The following PALM2AKAP2 variants were observed in gnomAD, a reference collection of about 807,000 sequenced individuals.
PALM2AKAP2 encodes the protein PALM2 and AKAP2 fusion.
PALM2AKAP2 carries 37 observed loss-of-function variants against 71.5 expected under a neutral mutation model. That is an observed-to-expected ratio of 0.52 (90% confidence interval 0.40 to 0.68). The LOEUF (loss-of-function observed/expected upper bound fraction) is 0.68. Among genes scored for constraint, PALM2AKAP2 ranks in the 30% least tolerant of loss-of-function variants. The pLI is 0.00. For synonymous variants in PALM2AKAP2, 468 were observed against 478.8 expected, an observed-to-expected ratio of 0.98 and a Z score of 0.29; for missense variants, 1,224 against 1,191.8, an observed-to-expected ratio of 1.03 and a Z score of -0.40.
intron 1 of PALM2AKAP2, among the ~76,000 whole-genome samples, chr9:110,128,701 G>A (rs941510611): frequency 4.6e-5 from 7 of 152,332 alleles, no homozygotes; most frequent in Non-Finnish European, 7.3e-5. Flanking sequence ...GCACACTGTC[G>A]AGCTTTAACA....
chr9:110,053,045 G>C (rs1213712850), intron 1 of PALM2AKAP2, among the ~76,000 whole-genome samples: 2 of 152,168 alleles, frequency 1.3e-5, no homozygotes, highest in Non-Finnish European at 2.9e-5. Flanking sequence ...TTGGTGGTGG[G>C]TTCCTTTTTC....
chr9:109,880,976 C>T (rs1015603963), intron 3 of PALM2AKAP2, among the ~76,000 whole-genome samples: 2 of 152,126 alleles, frequency 1.3e-5, no homozygotes, highest in South Asian at 2.1e-4. Context: ...CAGATTATTT[C>T]ACCACCCAGG....
chr9:110,089,124 A>G (rs1442880097), intron 1 of PALM2AKAP2, among the ~76,000 whole-genome samples: 1 of 152,220 alleles, frequency 6.6e-6, no homozygotes, highest in Non-Finnish European at 1.5e-5. Context: ...TAGGAGCACC[A>G]TAATGGGCAG....
chr9:109,832,351 A>G (rs1455980887), intron 1 of PALM2AKAP2, among the ~76,000 whole-genome samples: 1 of 152,242 alleles, frequency 6.6e-6, no homozygotes, highest in African/African-American at 2.4e-5. Flanking sequence ...AATGGCAATG[A>G]CAATAACTGT....
Position 109,895,543 on chromosome 9 carries a change from C to T in PALM2AKAP2, c.257+14862C>T, listed in dbSNP as rs189828950. 1.3e-3 allele frequency among the ~76,000 whole-genome samples: 200 copies of T among 152,254 alleles called. 2 individuals carry two copies. Among genetic ancestry groups the T allele is most frequent in the African/African-American group, 4.5e-3 (188 of 41,548 alleles). The stretch of plus-strand genomic sequence containing the variant: ...CAGAAGTCAAACTTGGTTTTTCATT[C>T]GGTAAGATCCACTGTGGTTAAAATG... On this transcript the variant is annotated intron_variant, in intron 3 of 9. Coordinates refer to the PALM2AKAP2 transcript ENST00000302798.
At chr9:109,990,098 G>T (rs1188327068) in intron 6 of PALM2AKAP2, among the ~76,000 whole-genome samples, 6 of 143,222 alleles carry the variant, frequency 4.2e-5, no homozygotes, top group Admixed American at 7.3e-5. Flanking sequence ...TTGTGGCAGG[G>T]TCTCACTCTG....
At chr9:109,660,683 A>G (rs1420188691) in intron 1 of PALM2AKAP2, among the ~76,000 whole-genome samples, 1 of 151,632 alleles carries the variant, frequency 6.6e-6, no homozygotes, top group Non-Finnish European at 1.5e-5. Context: ...TTATAGTAGC[A>G]TGATTTATGA....
chr9:109,880,700 A>C lies in PALM2AKAP2; in HGVS notation c.257+19A>C, dbSNP rs1228027176. The C allele has an allele frequency of 6.2e-7, 1 of 1,612,742 alleles. No homozygotes were observed. Among genetic ancestry groups the C allele is most frequent in the African/African-American group, 1.3e-5 (1 of 74,924 alleles). On this transcript the variant is annotated intron_variant, in intron 3 of 9. Coordinates refer to the PALM2AKAP2 transcript ENST00000302798. ...TTCAGAGGTAGGTGGCTTCCAGCCC[A>C]GGGAACCCATGCTACAGTTTTTCAG...
chr9:110,053,929 G>A (rs1282147941), intron 1 of PALM2AKAP2, among the ~76,000 whole-genome samples: 1 of 152,226 alleles, frequency 6.6e-6, no homozygotes, highest in Non-Finnish European at 1.5e-5. Flanking sequence ...GGGCTTTGTG[G>A]TTGTTTTTGA....
At chr9:110,049,624 G>A (rs1833669937) in intron 1 of PALM2AKAP2, among the ~76,000 whole-genome samples, 1 of 152,182 alleles carries the variant, frequency 6.6e-6, no homozygotes, top group South Asian at 2.1e-4. Flanking sequence ...ACACTCTGGG[G>A]TATGGGAAGA....
exon 4 of PALM2AKAP2, chr9:110,171,907 G>C (rs530296859): frequency 6.6e-6 from 1 of 152,648 alleles, no homozygotes; most frequent in Admixed American, 6.5e-5. Context: ...TGGAAACAGG[G>C]TCTGTCAGTG....
At chr9:109,680,407 C>T (rs2118515282) in intron 1 of PALM2AKAP2, among the ~76,000 whole-genome samples, 1 of 152,336 alleles carries the variant, frequency 6.6e-6, no homozygotes, top group Middle Eastern at 3.4e-3. Flanking sequence ...ACCCAAAGCT[C>T]AGCTCTGTCT....
intron 1 of PALM2AKAP2, among the ~76,000 whole-genome samples, chr9:109,665,753 A>C (rs1827472704): frequency 6.6e-6 from 1 of 152,232 alleles, no homozygotes; most frequent in South Asian, 2.1e-4. Flanking sequence ...TTAAATCTGC[A>C]GAAGTTGTCT....
Position 109,743,261 on chromosome 9 carries a change from C to T in PALM2AKAP2, c.6-37227C>T, listed in dbSNP as rs553272739. 4.1e-4 allele frequency among the ~76,000 whole-genome samples: 62 copies of T among 152,148 alleles called. 1 individual carries two copies. The highest frequency in any genetic ancestry group is 1.4e-3 in the African/African-American group (58 of 41,494). ...TGTAGTTCCAGCACTTAGGTGGATCCAAGAAGTAAGATTTATGGCAGAAGT... is the reference window on the plus strand; with the variant it reads ...TGTAGTTCCAGCACTTAGGTGGATCTAAGAAGTAAGATTTATGGCAGAAGT... On this transcript the variant is annotated intron_variant, in intron 1 of 6. Transcript: ENST00000374531.
At chr9:109,716,358 GA>G (rs1828319587) in intron 1 of PALM2AKAP2, among the ~76,000 whole-genome samples, 1 of 152,130 alleles carries the variant, frequency 6.6e-6, no homozygotes, top group Non-Finnish European at 1.5e-5. Flanking sequence ...CAGAACCAAG[GA>G]GTCTATTTTG....
chr9:109,865,219 C>G, intron 1 of PALM2AKAP2, among the ~76,000 whole-genome samples: 1 of 149,316 alleles, frequency 6.7e-6, no homozygotes, highest in Non-Finnish European at 1.5e-5. Context: ...CTGCCTTAGC[C>G]TCCCAAGTAT....
intron 1 of PALM2AKAP2, among the ~76,000 whole-genome samples, chr9:109,655,407 T>C (rs1321254555): frequency 6.6e-6 from 1 of 152,150 alleles, no homozygotes; most frequent in Non-Finnish European, 1.5e-5. Flanking sequence ...AAAGGGTCTC[T>C]TTCTCTCTAT....
intron 3 of PALM2AKAP2, among the ~76,000 whole-genome samples, chr9:110,166,792 G>A (rs949027145): frequency 6.6e-6 from 1 of 152,128 alleles, no homozygotes; most frequent in African/African-American, 2.4e-5. Context: ...ATGGACCCCC[G>A]ATCTCCCATC....
intron 1 of PALM2AKAP2, among the ~76,000 whole-genome samples, chr9:109,746,149 G>C (rs117449860): frequency 6.6e-6 from 1 of 152,296 alleles, no homozygotes; most frequent in Non-Finnish European, 1.5e-5. Flanking sequence ...TTCTGCACAA[G>C]AGAATGACAA....
Sources: gnomAD v4.1 joint callset for allele counts (sites outside exome capture counted in the v4.1 genomes callset) on GRCh38, gnomAD v4.1.1 for gene constraint, MANE v1.5 for transcripts, NCBI Gene and HGNC (gene_info 2026-07-23, HGNC 2026-07-21) for gene names.